DACH1: variants seen among roughly 807,000 people sequenced by gnomAD.
The protein encoded by DACH1 is dachshund family transcription factor 1.
DACH1 carries 12 observed loss-of-function variants against 54.2 expected under a neutral mutation model. The ratio of observed to expected loss-of-function variants is 0.22; its 90% CI spans 0.14 to 0.36. The LOEUF (loss-of-function observed/expected upper bound fraction) is 0.36, where lower values mean the gene tolerates loss of function less well. Among genes scored for constraint, DACH1 ranks in the 10% least tolerant of loss-of-function variants. The probability of loss-of-function intolerance (pLI) is 1.00; values close to 1 mark genes in which losing one functional copy is unlikely to be tolerated. For synonymous variants in DACH1, 386 were observed against 366.2 expected, an observed-to-expected ratio of 1.05 and a Z score of -0.62; for missense variants, 805 against 929.8, an observed-to-expected ratio of 0.87 and a Z score of 1.75.
At chr13:71,557,285 T>A in intron 5 of DACH1, 127 bp from the exon 6 acceptor site, 1 of 630,358 alleles carries the variant, frequency 1.6e-6, no homozygotes, top group Non-Finnish European at 2.3e-6. Context: ...ATGGTCTACC[T>A]TTAAATTTAT....
In DACH1 at chr13:71,519,886, T is replaced by TATATATATATATATATATAC. The variant is rs1881450927; in HGVS notation, c.1571-30739_1571-30738insGTATATATATATATATATAT. ...TGTTTGTGTCCAAACCAAAGTAGTA[T>TATATATATATATATATATAC]ATATATATATATATATATATATCCT... On this transcript the variant is annotated intron_variant, in intron 6 of 10. Coordinates refer to ENST00000613252, the MANE Select transcript of DACH1 (RefSeq NM_080759.6). 1.6e-5 allele frequency among the ~76,000 whole-genome samples: 2 copies of TATATATATATATATATATAC among 122,768 alleles called. 1 individual carries two copies. The highest frequency in any genetic ancestry group is 3.6e-5 in the Non-Finnish European group (2 of 55,220). The allele number at this position is 122,768 out of a possible 152,430, so 80.5% of individuals were successfully genotyped here. A position where few individuals can be genotyped will look rare whatever the true frequency, so the allele number is the denominator to read the frequency against.
chr13:71,559,121 A>G (rs1476260968), intron 5 of DACH1, among the ~76,000 whole-genome samples: 2 of 152,150 alleles, frequency 1.3e-5, no homozygotes, highest in African/African-American at 4.8e-5. Flanking sequence ...CACAAAAATC[A>G]CTTGTTAATT....
intron 1 of DACH1, among the ~76,000 whole-genome samples, chr13:71,835,742 ATCTATGCCAC>A (rs977916817): frequency 6.6e-6 from 1 of 152,048 alleles, no homozygotes; most frequent in Non-Finnish European, 1.5e-5. Context: ...TGGTTACCTT[ATCTATGCCAC>A]TCTGAAGGAA....
chr13:71,547,103 G>A (rs1883512294), intron 6 of DACH1, among the ~76,000 whole-genome samples: 1 of 151,902 alleles, frequency 6.6e-6, no homozygotes, highest in Non-Finnish European at 1.5e-5. Flanking sequence ...ACCTTCAAAC[G>A]AAAAAACTAA....
chr13:71,540,664 C>T (rs913414049), intron 6 of DACH1, among the ~76,000 whole-genome samples: 4 of 151,996 alleles, frequency 2.6e-5, no homozygotes, highest in Admixed American at 6.6e-5. Context: ...CATCATAATT[C>T]TTACAATGGA....
chr13:71,640,033 GGCAATGAGGTTA>G (rs1877777357), intron 2 of DACH1, among the ~76,000 whole-genome samples: 1 of 151,780 alleles, frequency 6.6e-6, no homozygotes, highest in Admixed American at 6.6e-5. Context: ...TAAATTTAGG[GGCAATGAGGTTA>G]ATCATTTCTG....
intron 1 of DACH1, among the ~76,000 whole-genome samples, chr13:71,842,299 G>A (rs951978230): frequency 2.0e-5 from 3 of 152,066 alleles, no homozygotes; most frequent in Non-Finnish European, 4.4e-5. Context: ...TTTTATGGTC[G>A]GGCGTGGTGG....
At chr13:71,565,196 C>T (rs555587642) in intron 4 of DACH1, among the ~76,000 whole-genome samples, 2 of 152,048 alleles carry the variant, frequency 1.3e-5, no homozygotes, top group Non-Finnish European at 2.9e-5. Context: ...TGTGAGCCAC[C>T]GTGCCCAGCC....
intron 1 of DACH1, among the ~76,000 whole-genome samples, chr13:71,708,852 G>GTTTTTTTT (rs11322352): frequency 1.7e-5 from 2 of 120,392 alleles, no homozygotes; most frequent in Non-Finnish European, 3.2e-5. Flanking sequence ...GTTTTTTGTT[G>GTTTTTTTT]TTTTTTTTTT....
At chr13:71,619,888 G>A (rs996870281) in intron 3 of DACH1, among the ~76,000 whole-genome samples, 2 of 151,856 alleles carry the variant, frequency 1.3e-5, no homozygotes, top group African/African-American at 4.8e-5. Context: ...TTTGATACAT[G>A]TATTTTAATA....
At chr13:71,766,192 A>G (rs986514380) in intron 1 of DACH1, among the ~76,000 whole-genome samples, 1 of 152,048 alleles carries the variant, frequency 6.6e-6, no homozygotes, top group Non-Finnish European at 1.5e-5. Flanking sequence ...GGCCTCAAAA[A>G]GATTATTTAC....
intron 1 of DACH1, among the ~76,000 whole-genome samples, chr13:71,706,088 T>G (rs959481771): frequency 3.3e-5 from 5 of 152,042 alleles, no homozygotes; most frequent in Non-Finnish European, 7.4e-5. Context: ...CTTCAAGTCA[T>G]GTAAAAATTC....
At chr13:71,478,538 C>T (rs2138180824) in intron 8 of DACH1, among the ~76,000 whole-genome samples, 1 of 152,146 alleles carries the variant, frequency 6.6e-6, no homozygotes, top group East Asian at 1.9e-4. Flanking sequence ...TATAAATGAC[C>T]TTCAAAATTA....
At chr13:71,727,484 T>A (rs143712426) in intron 1 of DACH1, among the ~76,000 whole-genome samples, 2,464 of 152,278 alleles carry the variant, frequency 0.016, 194 homozygotes, top group Admixed American at 0.13. Flanking sequence ...TACTTCTTCA[T>A]GTCTGAGTGA....
chr13:71,566,632 T>C (rs1466713872), intron 4 of DACH1, among the ~76,000 whole-genome samples: 2 of 152,148 alleles, frequency 1.3e-5, no homozygotes, highest in East Asian at 1.9e-4. Flanking sequence ...TTTTTTAGTA[T>C]TATTATAAAA....
chr13:71,828,127 G>T (rs1281413093), intron 1 of DACH1, among the ~76,000 whole-genome samples: 1 of 151,932 alleles, frequency 6.6e-6, no homozygotes. Context: ...CCACCTTTCC[G>T]CTCCTCTGTG....
chr13:71,855,419 T>A (rs2138275444), intron 1 of DACH1, among the ~76,000 whole-genome samples: 1 of 152,126 alleles, frequency 6.6e-6, no homozygotes, highest in East Asian at 1.9e-4. Context: ...GATTCTGTAA[T>A]CTAATGGCAG....
Position 71,498,725 on chromosome 13 carries a change from G to A in DACH1, c.1571-9577C>T, listed in dbSNP as rs1050631674. On this transcript the variant is annotated intron_variant, in intron 6 of 10. Transcript: ENST00000613252. ...TTTGGGGAAGACTTAACTAGAGGGA[G>A]GTCAAGAGGTTGTATGAGGAAACCA... Among the ~76,000 whole-genome samples the A allele has an allele frequency of 5.9e-5, 9 of 151,772 alleles. No individual in the cohort carries two copies. In the East Asian group the frequency reaches 1.5e-3, roughly 26 times the overall value.
chr13:71,491,955 A>G (rs1408672152), intron 6 of DACH1, among the ~76,000 whole-genome samples: 4 of 152,220 alleles, frequency 2.6e-5, no homozygotes, highest in Admixed American at 6.5e-5. Flanking sequence ...ATGATGAAAT[A>G]CAAATTCACA....
Sources: allele counts gnomAD v4.1 joint callset (sites outside exome capture counted in the v4.1 genomes callset), GRCh38; gene constraint gnomAD v4.1.1; transcripts MANE v1.5; gene names NCBI Gene and HGNC (gene_info 2026-07-23, HGNC 2026-07-21).